ZMYND8: variants seen among roughly 807,000 people sequenced by gnomAD.
ZMYND8 encodes zinc finger MYND-type containing 8.
In ZMYND8, 37 loss-of-function variants were observed where a neutral mutation model predicts 140.8. The observed-to-expected ratio is 0.26, with a 90% confidence interval of 0.20 to 0.35. The LOEUF (loss-of-function observed/expected upper bound fraction) is 0.35, where lower values mean the gene tolerates loss of function less well. ZMYND8 is among the 10% of genes least tolerant of loss of function. The probability of loss-of-function intolerance (pLI) is 1.00; values close to 1 mark genes in which losing one functional copy is unlikely to be tolerated. For synonymous variants in ZMYND8, 592 were observed against 597.1 expected, an observed-to-expected ratio of 0.99 and a Z score of 0.12; for missense variants, 1,068 against 1,570.0, an observed-to-expected ratio of 0.68 and a Z score of 5.40.
intron 12 of ZMYND8, among the ~76,000 whole-genome samples, chr20:47,259,535 G>GCCCA (rs1462713455): frequency 3.3e-5 from 5 of 152,064 alleles, no homozygotes; most frequent in African/African-American, 1.2e-4. Context: ...ACCACCAAAG[G>GCCCA]CGTGGAATTC....
At chr20:47,318,361 T>G in intron 2 of ZMYND8, 1 of 295,346 alleles carries the variant, frequency 3.4e-6, no homozygotes, top group Non-Finnish European at 6.6e-6. Context: ...AAGCAGAGCA[T>G]GGTTAATCAC....
At chr20:47,218,832 G>GGGAAA (rs1359358442) in intron 21 of ZMYND8, among the ~76,000 whole-genome samples, 2 of 152,068 alleles carry the variant, frequency 1.3e-5, no homozygotes, top group East Asian at 3.9e-4. Flanking sequence ...TCAAGGCCTA[G>GGGAAA]CCCCTTAGGG....
intron 2 of ZMYND8, among the ~76,000 whole-genome samples, chr20:47,335,115 T>C (rs939950248): frequency 6.6e-6 from 1 of 151,764 alleles, no homozygotes; most frequent in Non-Finnish European, 1.5e-5. Context: ...GGGGTGGTAG[T>C]GCACACCTGT....
chr20:47,288,032 G>A (rs1305557463), intron 7 of ZMYND8, among the ~76,000 whole-genome samples: 2 of 152,102 alleles, frequency 1.3e-5, no homozygotes. Flanking sequence ...TAAACCAGAC[G>A]ACAAGATGGT....
chr20:47,330,662 AAGG>A (rs1183770674), intron 2 of ZMYND8, among the ~76,000 whole-genome samples: 1 of 152,162 alleles, frequency 6.6e-6, no homozygotes, highest in African/African-American at 2.4e-5. Flanking sequence ...CTAGAGGGAA[AAGG>A]AAGACAGGCC....
chr20:47,274,502 G>A (rs746176183), intron 11 of ZMYND8, among the ~76,000 whole-genome samples: 5 of 152,202 alleles, frequency 3.3e-5, no homozygotes, highest in Non-Finnish European at 5.9e-5. Context: ...CCGAAGGATT[G>A]TGTAATTAAG....
rs3092175 is a variant in ZMYND8, at chr20:47,219,055, A to ATTTTTTTTTTTTTTTTTTT, written c.3484+1184_3484+1202dup. On this transcript the variant is annotated intron_variant, in intron 21 of 22. Coordinates refer to ENST00000471951, the MANE Select transcript of ZMYND8 (RefSeq NM_001281775.3). ...AACATGGCAAAACCCCGTTTCTACA[A>ATTTTTTTTTTTTTTTTTTT]TTTTTTTTTTTTTTTTTTTTGAGAG... is the stretch of plus-strand genomic sequence containing the variant. Among the ~76,000 whole-genome samples, 94 of 110,912 alleles carry ATTTTTTTTTTTTTTTTTTT rather than the reference A, an allele frequency of 8.5e-4. 7 individuals carry two copies. Among genetic ancestry groups the ATTTTTTTTTTTTTTTTTTT allele is most frequent in the East Asian group, 5.0e-3 (18 of 3,568 alleles). 72.8% of individuals were successfully genotyped at this position (110,912 alleles called of 152,430 possible).
chr20:47,280,713 G>A (rs2076554405), intron 10 of ZMYND8, among the ~76,000 whole-genome samples: 1 of 152,102 alleles, frequency 6.6e-6, no homozygotes, highest in South Asian at 2.1e-4. Context: ...GTTCACATTT[G>A]TCATGCTCTG....
chr20:47,292,909 A>AAG lies in ZMYND8; in HGVS notation c.568-1023_568-1022dup, dbSNP rs576190048. 4.5e-3 allele frequency among the ~76,000 whole-genome samples: 680 copies of AAG among 151,412 alleles called. 4 individuals carry two copies. The highest frequency in any genetic ancestry group is 0.016 in the African/African-American group (655 of 41,200). ...ATTACAAAAAATAATAATAATAAAA[A>AAG]AGTTAGCTGGGTGTGGCGGTGTGTG... is the stretch of plus-strand genomic sequence containing the variant. On this transcript the variant is annotated intron_variant, in intron 5 of 22. Transcript: ENST00000471951.
At chr20:47,297,816 G>A (rs2077739639) in intron 4 of ZMYND8, among the ~76,000 whole-genome samples, 1 of 152,186 alleles carries the variant, frequency 6.6e-6, no homozygotes, top group South Asian at 2.1e-4. Flanking sequence ...AAACATCAGA[G>A]TTGGGGGTCT....
intron 13 of ZMYND8, among the ~76,000 whole-genome samples, chr20:47,248,230 A>G (rs1422671648): frequency 6.6e-6 from 1 of 152,238 alleles, no homozygotes; most frequent in East Asian, 1.9e-4. Flanking sequence ...TGCTTAGCAT[A>G]GTGTCCAAGG....
intron 11 of ZMYND8, among the ~76,000 whole-genome samples, chr20:47,263,790 G>A (rs1038136002): frequency 6.6e-6 from 1 of 152,168 alleles, no homozygotes; most frequent in African/African-American, 2.4e-5. Context: ...ATCTCATCAG[G>A]CTGCCGTGAG....
chr20:47,314,875 T>A (rs1223545902), intron 2 of ZMYND8, among the ~76,000 whole-genome samples: 1 of 152,012 alleles, frequency 6.6e-6, no homozygotes, highest in Non-Finnish European at 1.5e-5. Context: ...ACCTGCAAAA[T>A]GGGAAGAGCC....
At chr20:47,245,339 T>C (rs1175388511) in intron 14 of ZMYND8, among the ~76,000 whole-genome samples, 4 of 152,064 alleles carry the variant, frequency 2.6e-5, no homozygotes, top group African/African-American at 9.7e-5. Context: ...CTCCGCCTCC[T>C]GGGTTCAAGC....
rs566892875 is a variant in ZMYND8, at chr20:47,328,801, C to T, written c.86-18597G>A. Among the ~76,000 whole-genome samples the T allele has an allele frequency of 2.0e-5, 3 of 152,324 alleles. No individual in the cohort carries two copies. The East Asian group carries it at 5.8e-4, about 29-fold the overall frequency. On this transcript the variant is annotated intron_variant, in intron 2 of 22. Transcript: ENST00000471951. Reference sequence around the variant, plus strand: ...TGGAAGAGATCCTTCATTCACAAAACATTTAATGGGCAACTACCATGAAAT... The same window carrying T: ...TGGAAGAGATCCTTCATTCACAAAATATTTAATGGGCAACTACCATGAAAT...
chr20:47,297,101 G>A (rs886650122), intron 4 of ZMYND8, among the ~76,000 whole-genome samples: 3 of 151,796 alleles, frequency 2.0e-5, no homozygotes, highest in Admixed American at 6.6e-5. Flanking sequence ...AAATGTAGTA[G>A]AATGAGGTCA....
intron 6 of ZMYND8, among the ~76,000 whole-genome samples, chr20:47,290,810 C>T (rs1237909612): frequency 6.6e-6 from 1 of 151,750 alleles, no homozygotes; most frequent in Non-Finnish European, 1.5e-5. Flanking sequence ...AGGCTGGTCT[C>T]GAACTCCTGA....
intron 5 of ZMYND8, among the ~76,000 whole-genome samples, chr20:47,293,586 A>G (rs1236042882): frequency 1.3e-5 from 2 of 152,234 alleles, no homozygotes; most frequent in Non-Finnish European, 2.9e-5. Context: ...AGGTTCCATC[A>G]TCAGATCTGG....
intron 2 of ZMYND8, among the ~76,000 whole-genome samples, chr20:47,326,453 A>G (rs1438965797): frequency 1.3e-5 from 2 of 152,252 alleles, no homozygotes; most frequent in African/African-American, 2.4e-5. Context: ...TAGCAGTTCA[A>G]AAAATAAAAA....
Sources: gnomAD v4.1 joint callset for allele counts (sites outside exome capture counted in the v4.1 genomes callset) on GRCh38, gnomAD v4.1.1 for gene constraint, MANE v1.5 for transcripts, NCBI Gene and HGNC (gene_info 2026-07-23, HGNC 2026-07-21) for gene names.